PCSK6: variants seen among roughly 807,000 people sequenced by gnomAD.
PCSK6 encodes the protein paired basic amino acid cleaving enzyme 4.
In PCSK6, 85 loss-of-function variants were observed where a neutral mutation model predicts 123.3. That is an observed-to-expected ratio of 0.69 (90% confidence interval 0.58 to 0.83). The LOEUF (loss-of-function observed/expected upper bound fraction) is 0.83, where lower values mean the gene tolerates loss of function less well. PCSK6 is among the 40% of genes least tolerant of loss of function. The probability of loss-of-function intolerance (pLI) is 0.00; values close to 1 mark genes in which losing one functional copy is unlikely to be tolerated. For synonymous variants in PCSK6, 508 were observed against 516.0 expected (o/e 0.98, Z 0.21); for missense variants, 1,191 against 1,282.3 (o/e 0.93, Z 1.09).
chr15:101,360,096 C>T (rs1254720843), intron 13 of PCSK6, among the ~76,000 whole-genome samples: 1 of 151,968 alleles, frequency 6.6e-6, no homozygotes, highest in Non-Finnish European at 1.5e-5. Context: ...CTCTCACAGC[C>T]CACATCTGAT....
intron 8 of PCSK6, among the ~76,000 whole-genome samples, chr15:101,392,032 A>G (rs1368748836): frequency 6.6e-6 from 1 of 152,234 alleles, no homozygotes; most frequent in African/African-American, 2.4e-5. Context: ...TCCTACTTCC[A>G]GGGTTGAGAG....
intron 19 of PCSK6, among the ~76,000 whole-genome samples, chr15:101,317,842 TA>T (rs900573856): frequency 8.5e-5 from 13 of 152,252 alleles, no homozygotes; most frequent in Non-Finnish European, 1.8e-4. Context: ...AACATGGTTT[TA>T]AAAAAAATTT....
At chr15:101,453,757 TTC>T (rs1272553730) in intron 1 of PCSK6, among the ~76,000 whole-genome samples, 1 of 152,228 alleles carries the variant, frequency 6.6e-6, no homozygotes. Context: ...ACTTTTTTCT[TTC>T]TGAGTATGCG....
intron 7 of PCSK6, among the ~76,000 whole-genome samples, chr15:101,393,964 G>A (rs1006644230): frequency 5.1e-4 from 78 of 152,272 alleles, no homozygotes; most frequent in Admixed American, 4.9e-3. Context: ...TGAACTCTGC[G>A]TGAAGACAGA....
intron 7 of PCSK6, among the ~76,000 whole-genome samples, chr15:101,396,748 G>A (rs979099539): frequency 1.3e-5 from 2 of 152,072 alleles, no homozygotes; most frequent in East Asian, 3.9e-4. Flanking sequence ...AAGCTGCCTC[G>A]GTGTTTTCTT....
chr15:101,411,206 C>A (rs1170999236), intron 6 of PCSK6, among the ~76,000 whole-genome samples: 1 of 152,104 alleles, frequency 6.6e-6, no homozygotes, highest in African/African-American at 2.4e-5. Context: ...GGGAACAATT[C>A]CAGAGCTGAG....
chr15:101,461,242 C>G (rs1031979098), intron 1 of PCSK6, among the ~76,000 whole-genome samples: 1 of 152,152 alleles, frequency 6.6e-6, no homozygotes, highest in African/African-American at 2.4e-5. Flanking sequence ...TGCCGTTACA[C>G]TCATAATTCT....
At chr15:101,429,277 G>GC (rs2056366077) in intron 5 of PCSK6, among the ~76,000 whole-genome samples, 1 of 152,140 alleles carries the variant, frequency 6.6e-6, no homozygotes, top group East Asian at 1.9e-4. Flanking sequence ...TGACCCCAGG[G>GC]CTGCCGTTTA....
At chr15:101,428,534 G>A (rs1353960349) in intron 5 of PCSK6, among the ~76,000 whole-genome samples, 2 of 152,190 alleles carry the variant, frequency 1.3e-5, no homozygotes, top group East Asian at 3.8e-4. Flanking sequence ...GAGGAAGAAC[G>A]CTCTAAATTA....
chr15:101,439,695 G>C (rs928696154), intron 2 of PCSK6, among the ~76,000 whole-genome samples: 1 of 152,246 alleles, frequency 6.6e-6, no homozygotes, highest in Non-Finnish European at 1.5e-5. Context: ...TTAATGGAAA[G>C]ATCTGCTTCA....
chr15:101,325,046 C>G lies in PCSK6; in HGVS notation c.2181G>C (p.Arg727Ser). 1 of 1,601,594 alleles carries G rather than the reference C, an allele frequency of 6.2e-7. No homozygotes were observed. The highest frequency in any genetic ancestry group is 8.5e-7 in the Non-Finnish European group (1 of 1,174,722). ...CCAAGGGGCACACACTCACGCACTT[C>G]CTGTAGGAGCAAAGGCAGGAGGGTG... ...HFSLGSVKTS[R>S]KCVSVCPLGY... is the part of the protein sequence containing the mutation. Residue 727 changes from arginine to serine, a missense_variant and splice_region_variant, in exon 17 of 22, where the codon AGG becomes AGC. Physicochemically the swap from Arg to Ser is moderately radical, Grantham distance 110. Around this residue, in one of 3 missense-constraint regions of PCSK6, gnomAD observed 630 missense variants for 631.4 expected, o/e 1.00. Transcript: ENST00000611716.
At chr15:101,483,891 C>T (rs1315617503) in intron 1 of PCSK6, among the ~76,000 whole-genome samples, 1 of 152,174 alleles carries the variant, frequency 6.6e-6, no homozygotes, top group Non-Finnish European at 1.5e-5. Context: ...TTAACATGGG[C>T]CTGCAGGCAC....
At chr15:101,370,801 T>C (rs936663373) in intron 11 of PCSK6, among the ~76,000 whole-genome samples, 4 of 152,262 alleles carry the variant, frequency 2.6e-5, no homozygotes, top group Non-Finnish European at 5.9e-5. Context: ...CCCAGCTCTT[T>C]GGGAGGCCGA....
At chr15:101,437,210 G>A (rs993624806) in intron 2 of PCSK6, among the ~76,000 whole-genome samples, 5 of 152,220 alleles carry the variant, frequency 3.3e-5, no homozygotes, top group African/African-American at 1.2e-4. Flanking sequence ...GTGAGGGATT[G>A]GTCCTGTGGC....
intron 6 of PCSK6, among the ~76,000 whole-genome samples, chr15:101,407,815 T>C (rs561601422): frequency 6.6e-6 from 1 of 152,358 alleles, no homozygotes; most frequent in South Asian, 2.1e-4. Context: ...CAAACCACCT[T>C]TTCAATGCAT....
At chr15:101,316,908 C>CTTTTTTTTTTTTTTTTTT (rs2040001564) in intron 19 of PCSK6, among the ~76,000 whole-genome samples, 3 of 91,686 alleles carry the variant, frequency 3.3e-5, no homozygotes, top group African/African-American at 2.7e-4. Flanking sequence ...AGACTTAATT[C>CTTTTTTTTTTTTTTTTTT]TGTTTTTTTT....
chr15:101,418,658 G>A (rs887750977), intron 6 of PCSK6, among the ~76,000 whole-genome samples: 8 of 151,800 alleles, frequency 5.3e-5, no homozygotes, highest in African/African-American at 1.9e-4. Flanking sequence ...GATTACAGGT[G>A]CCTGCCACCA....
At chr15:101,312,829 C>G (rs1018156427) in intron 20 of PCSK6, among the ~76,000 whole-genome samples, 4 of 150,862 alleles carry the variant, frequency 2.7e-5, no homozygotes, top group Admixed American at 2.6e-4. Flanking sequence ...GACTCCATCT[C>G]AAAAAAAACG....
Position 101,398,691 on chromosome 15 carries a change from A to T in PCSK6, c.824-115T>A. ...CCGCATCACAGAGTCCCTCCCCAGCAGGGGCTGTTCCCAGTCATTCTGCAA... is the reference window on the plus strand; with the variant it reads ...CCGCATCACAGAGTCCCTCCCCAGCTGGGGCTGTTCCCAGTCATTCTGCAA... On this transcript the variant is annotated intron_variant, in intron 6 of 21. Coordinates refer to ENST00000611716, the MANE Select transcript of PCSK6 (RefSeq NM_002570.5). The surrounding 1 kb of genome is among the most constrained non-coding windows in gnomAD (Gnocchi z 4.6). 1 of 1,147,394 alleles carries T rather than the reference A, an allele frequency of 8.7e-7. No individual in the cohort carries two copies. The highest frequency in any genetic ancestry group is 1.2e-6 in the Non-Finnish European group (1 of 824,078). 71.1% of individuals were successfully genotyped at this position (1,147,394 alleles called of 1,614,324 possible).
Sources: gnomAD v4.1 joint callset for allele counts (sites outside exome capture counted in the v4.1 genomes callset) on GRCh38, gnomAD v4.1.1 for gene constraint, gnomAD v4.1.1 regional missense constraint, Gnocchi (gnomAD v3.1) non-coding constraint, MANE v1.5 for transcripts, NCBI Gene and HGNC (gene_info 2026-07-23, HGNC 2026-07-21) for gene names.